GALNT13: variants seen among roughly 807,000 people sequenced by gnomAD.
GALNT13 encodes polypeptide N-acetylgalactosaminyltransferase 13.
In GALNT13, 28 loss-of-function variants were observed where a neutral mutation model predicts 64.2. The ratio of observed to expected loss-of-function variants is 0.44; its 90% confidence interval spans 0.32 to 0.60. The LOEUF is 0.60. Among genes scored for constraint, GALNT13 ranks in the 20% least tolerant of loss-of-function variants. The pLI is 0.05. For missense variants in GALNT13, 577 were observed against 669.8 expected, an observed-to-expected ratio of 0.86 and a Z score of 1.53; for synonymous variants, 214 against 224.6, an observed-to-expected ratio of 0.95 and a Z score of 0.42.
chr2:153,464,738 A>G, the GALNT13 span, among the ~76,000 whole-genome samples: 1 of 152,106 alleles, frequency 6.6e-6, no homozygotes, highest in African/African-American at 2.4e-5. Flanking sequence ...TTTAAGGGTG[A>G]TATCACCTAG....
intron 3 of GALNT13, among the ~76,000 whole-genome samples, chr2:154,019,239 C>T (rs1697246397): frequency 6.6e-6 from 1 of 152,036 alleles, no homozygotes; most frequent in South Asian, 2.1e-4. Flanking sequence ...TTACTAATAC[C>T]ATAATTTAAA....
intron 12 of GALNT13, chr2:154,445,976 T>C: frequency 2.3e-6 from 1 of 439,272 alleles, no homozygotes; most frequent in South Asian, 1.8e-5. Flanking sequence ...TTAATCTTTT[T>C]CTTTTTCCTC....
intron 9 of GALNT13, among the ~76,000 whole-genome samples, chr2:154,336,990 A>G (rs905058106): frequency 6.6e-6 from 1 of 152,040 alleles, no homozygotes; most frequent in African/African-American, 2.4e-5. Flanking sequence ...CAAATATACC[A>G]TCTCCAATTA....
At chr2:153,318,525 G>A in the GALNT13 span, among the ~76,000 whole-genome samples, 1 of 152,182 alleles carries the variant, frequency 6.6e-6, no homozygotes, top group Non-Finnish European at 1.5e-5. Context: ...CCAATCATGA[G>A]GAAAGAGCCC....
intron 10 of GALNT13, among the ~76,000 whole-genome samples, chr2:154,398,102 C>T (rs1699139316): frequency 6.6e-6 from 1 of 152,178 alleles, no homozygotes; most frequent in South Asian, 2.1e-4. Flanking sequence ...ATTTAATACC[C>T]TTATCACTTT....
At chr2:153,120,250 A>C in the GALNT13 span, among the ~76,000 whole-genome samples, 5 of 152,222 alleles carry the variant, frequency 3.3e-5, no homozygotes, top group Admixed American at 6.5e-5. Context: ...CAACACACAC[A>C]AGGACCCCAC....
the GALNT13 span, among the ~76,000 whole-genome samples, chr2:153,156,512 G>A: frequency 7.9e-5 from 12 of 152,238 alleles, no homozygotes; most frequent in Middle Eastern, 3.4e-3. Context: ...GTGTTTCTGG[G>A]TGGACGATGA....
the GALNT13 span, among the ~76,000 whole-genome samples, chr2:153,831,127 C>A: frequency 1.3e-5 from 2 of 152,124 alleles, no homozygotes; most frequent in African/African-American, 4.8e-5. Context: ...TATCGTTTCT[C>A]ATGCATTTTC....
chr2:154,291,993 A>G (rs1692670695), intron 8 of GALNT13, among the ~76,000 whole-genome samples: 1 of 152,202 alleles, frequency 6.6e-6, no homozygotes, highest in African/African-American at 2.4e-5. Flanking sequence ...TTGGCACTTT[A>G]TGTGTCGTAC....
intron 3 of GALNT13, among the ~76,000 whole-genome samples, chr2:154,013,041 T>C (rs1372552565): frequency 6.7e-6 from 1 of 150,186 alleles, no homozygotes; most frequent in East Asian, 2.0e-4. Context: ...GTGTATATTT[T>C]GTATTCTATG....
the GALNT13 span, among the ~76,000 whole-genome samples, chr2:153,678,744 A>G: frequency 2.0e-5 from 3 of 152,036 alleles, no homozygotes; most frequent in Non-Finnish European, 4.4e-5. Flanking sequence ...ACAGTTGGCT[A>G]TTGTATTTAT....
At chr2:154,406,285 G>T (rs1275335974) in intron 10 of GALNT13, among the ~76,000 whole-genome samples, 1 of 152,010 alleles carries the variant, frequency 6.6e-6, no homozygotes, top group Non-Finnish European at 1.5e-5. Flanking sequence ...ATCATCTCTT[G>T]CTGGCATGAC....
chr2:153,286,849 A>C, the GALNT13 span, among the ~76,000 whole-genome samples: 2 of 152,208 alleles, frequency 1.3e-5, no homozygotes, highest in Admixed American at 6.5e-5. Flanking sequence ...CTTTCTATGA[A>C]TGAACCAGTA....
At chr2:154,410,339 G>C (rs1471140430) in intron 11 of GALNT13, among the ~76,000 whole-genome samples, 1 of 151,834 alleles carries the variant, frequency 6.6e-6, no homozygotes, top group African/African-American at 2.4e-5. Flanking sequence ...TAAAAATTCT[G>C]ACATTTGTTT....
intron 4 of GALNT13, among the ~76,000 whole-genome samples, chr2:154,142,496 C>A (rs1010355688): frequency 1.4e-5 from 2 of 144,464 alleles, no homozygotes; most frequent in South Asian, 4.3e-4. Context: ...TTGGAGTGAG[C>A]CGAGATTTTG....
rs535584644 is a variant in GALNT13, at chr2:153,958,186, G to A, written c.142+13547G>A. Among the ~76,000 whole-genome samples the A allele has an allele frequency of 2.6e-5, 4 of 152,226 alleles. No individual in the cohort carries two copies. In the East Asian group the frequency reaches 7.8e-4, roughly 30 times the overall value. ...ATGAGGTGTGCCTGATGTCCTTGGGGTACAGTCCTTCATTAGAGAACTGGT... is the reference window on the plus strand; with the variant it reads ...ATGAGGTGTGCCTGATGTCCTTGGGATACAGTCCTTCATTAGAGAACTGGT... On this transcript the variant is annotated intron_variant, in intron 3 of 12. Coordinates refer to ENST00000392825, the MANE Select transcript of GALNT13 (RefSeq NM_052917.4).
chr2:154,162,315 T>C (rs1684779120), intron 4 of GALNT13, among the ~76,000 whole-genome samples: 1 of 152,218 alleles, frequency 6.6e-6, no homozygotes, highest in Non-Finnish European at 1.5e-5. Context: ...ATAATAATTT[T>C]TTAAAAGTCA....
chr2:153,257,840 A>G, the GALNT13 span, among the ~76,000 whole-genome samples: 2 of 152,204 alleles, frequency 1.3e-5, no homozygotes, highest in African/African-American at 4.8e-5. Context: ...GGAACTGGTT[A>G]TTTAACCAAG....
At chr2:153,228,447 A>G in the GALNT13 span, among the ~76,000 whole-genome samples, 1 of 152,160 alleles carries the variant, frequency 6.6e-6, no homozygotes, top group Admixed American at 6.5e-5. Context: ...CCACAGTTGC[A>G]CCAATCTTTA....
Sources: gnomAD v4.1 joint callset for allele counts (sites outside exome capture counted in the v4.1 genomes callset) on GRCh38, gnomAD v4.1.1 for gene constraint, MANE v1.5 for transcripts, NCBI Gene and HGNC (gene_info 2026-07-23, HGNC 2026-07-21) for gene names.